Variants in COMMD1 observed in about 807,000 individuals in gnomAD.
The protein encoded by COMMD1 is copper metabolism domain containing 1, also known as COMM domain-containing protein 1.
COMMD1 carries 10 observed loss-of-function variants against 17.2 expected under a neutral mutation model. That is an observed-to-expected ratio of 0.58 (90% confidence interval 0.36 to 0.99). COMMD1 has a LOEUF of 0.99. Among genes scored for constraint, COMMD1 ranks in the 50% least tolerant of loss-of-function variants. The pLI, the probability that COMMD1 is intolerant of heterozygous loss-of-function variation, is 0.01. For synonymous variants in COMMD1, 97 were observed against 91.6 expected (o/e 1.06, Z -0.34); for missense variants, 270 against 231.8 (o/e 1.17, Z -1.07).
At chr2:61,896,521 G>A (rs1465196055) in intron 1 of COMMD1, among the ~76,000 whole-genome samples, 2 of 152,126 alleles carry the variant, frequency 1.3e-5, no homozygotes, top group African/African-American at 4.8e-5. Flanking sequence ...GTTCGAGGTT[G>A]CAGTGAGATA....
intron 2 of COMMD1, among the ~76,000 whole-genome samples, chr2:62,119,186 G>A (rs974616162): frequency 4.6e-5 from 7 of 152,158 alleles, no homozygotes; most frequent in African/African-American, 1.7e-4. Context: ...AGAAAAGGCC[G>A]TGAGAGAAGA....
chr2:61,958,991 A>C (rs140519028), intron 1 of COMMD1, among the ~76,000 whole-genome samples: 8 of 152,210 alleles, frequency 5.3e-5, no homozygotes, highest in African/African-American at 1.7e-4. Flanking sequence ...TTATTTTGTC[A>C]TGTTGCTTTC....
intron 2 of COMMD1, among the ~76,000 whole-genome samples, chr2:62,016,128 C>T (rs1043429228): frequency 1.3e-5 from 2 of 151,914 alleles, no homozygotes; most frequent in East Asian, 1.9e-4. Context: ...CCACGATGCC[C>T]GGCCAGGTTT....
chr2:61,948,732 G>C (rs539861944), intron 1 of COMMD1, among the ~76,000 whole-genome samples: 1 of 152,196 alleles, frequency 6.6e-6, no homozygotes, highest in Non-Finnish European at 1.5e-5. Context: ...TTGCAGAGGA[G>C]ACTTTTAAGA....
intron 2 of COMMD1, among the ~76,000 whole-genome samples, chr2:62,097,850 C>T (rs557811994): frequency 6.6e-6 from 1 of 152,178 alleles, no homozygotes; most frequent in Non-Finnish European, 1.5e-5. Context: ...GCTATTTCTA[C>T]TTCTCCTAAA....
intron 2 of COMMD1, among the ~76,000 whole-genome samples, chr2:62,022,448 CTTTTTTTT>C (rs747830662): frequency 3.5e-5 from 3 of 84,950 alleles, no homozygotes; most frequent in Non-Finnish European, 7.5e-5. Context: ...ACCGGCGCTT[CTTTTTTTT>C]TTTTTTTTTT....
intron 2 of COMMD1, among the ~76,000 whole-genome samples, chr2:62,095,676 T>C (rs1671979862): frequency 6.6e-6 from 1 of 151,356 alleles, no homozygotes; most frequent in Non-Finnish European, 1.5e-5. Flanking sequence ...AATCCCTTGC[T>C]ACTGTTAGTG....
At chr2:61,939,297 C>CA (rs1194444288) in intron 1 of COMMD1, among the ~76,000 whole-genome samples, 2,778 of 65,248 alleles carry the variant, frequency 0.043, 40 homozygotes, top group Middle Eastern at 0.067. Flanking sequence ...ACTAAAAATA[C>CA]AAAAAAAAAA....
chr2:62,076,538 G>A (rs1024988592), intron 2 of COMMD1, among the ~76,000 whole-genome samples: 1 of 152,132 alleles, frequency 6.6e-6, no homozygotes, highest in Non-Finnish European at 1.5e-5. Flanking sequence ...CTTGAGCCCT[G>A]GAGTTCGAGA....
At chr2:62,120,906 T>C (rs1672724144) in intron 2 of COMMD1, among the ~76,000 whole-genome samples, 1 of 152,062 alleles carries the variant, frequency 6.6e-6, no homozygotes, top group Admixed American at 6.6e-5. Flanking sequence ...TTTTTGTTTT[T>C]GTTTTTCTTT....
At chr2:62,031,975 C>G (rs1401794235) in intron 2 of COMMD1, among the ~76,000 whole-genome samples, 1 of 152,178 alleles carries the variant, frequency 6.6e-6, no homozygotes, top group Non-Finnish European at 1.5e-5. Context: ...TTTTCTGCTA[C>G]ATTGGTCTAC....
intron 2 of COMMD1, among the ~76,000 whole-genome samples, chr2:62,111,999 T>G (rs1191934273): frequency 6.6e-6 from 1 of 152,210 alleles, no homozygotes; most frequent in African/African-American, 2.4e-5. Context: ...CGTGGTAAGT[T>G]CTTTGGTAAT....
At chr2:61,950,615 T>A (rs1324168483) in intron 1 of COMMD1, among the ~76,000 whole-genome samples, 2 of 152,244 alleles carry the variant, frequency 1.3e-5, no homozygotes, top group South Asian at 4.1e-4. Context: ...ATGGCTTCTC[T>A]TTGGCATATC....
intron 2 of COMMD1, among the ~76,000 whole-genome samples, chr2:62,062,316 T>G (rs950641988): frequency 6.6e-6 from 1 of 151,822 alleles, no homozygotes; most frequent in Admixed American, 6.6e-5. Flanking sequence ...AACCTGCCAC[T>G]CCCAGGTTCA....
intron 2 of COMMD1, among the ~76,000 whole-genome samples, chr2:62,116,144 G>A (rs1672597133): frequency 6.6e-6 from 1 of 152,050 alleles, no homozygotes; most frequent in African/African-American, 2.4e-5. Context: ...ACTGCACCCG[G>A]CCCTGTTGTA....
upstream of COMMD1, among the ~76,000 whole-genome samples, chr2:61,902,874 T>TA (rs1306319694): frequency 6.6e-6 from 1 of 152,026 alleles, no homozygotes; most frequent in African/African-American, 2.4e-5. Flanking sequence ...ATTAAAAGAA[T>TA]AATATCAGTC....
intron 1 of COMMD1, among the ~76,000 whole-genome samples, chr2:61,956,373 G>A (rs1671198785): frequency 6.6e-6 from 1 of 151,970 alleles, no homozygotes; most frequent in Admixed American, 6.5e-5. Flanking sequence ...TTGTTCAGAT[G>A]CATTAAATGT....
intron 2 of COMMD1, among the ~76,000 whole-genome samples, chr2:62,132,145 C>T (rs1341267205): frequency 6.6e-6 from 1 of 152,134 alleles, no homozygotes; most frequent in Non-Finnish European, 1.5e-5. Context: ...CCTTGGCTTC[C>T]CAAAGTGCTG....
At chr2:62,102,880 G>C (rs888828809) in intron 2 of COMMD1, among the ~76,000 whole-genome samples, 6 of 152,098 alleles carry the variant, frequency 3.9e-5, no homozygotes, top group African/African-American at 1.4e-4. Flanking sequence ...GCCAAGAAGA[G>C]TTTAGACAGA....
Sources: allele counts gnomAD v4.1 joint callset (sites outside exome capture counted in the v4.1 genomes callset), GRCh38; gene constraint gnomAD v4.1.1; transcripts MANE v1.5; gene names NCBI Gene and HGNC (gene_info 2026-07-23, HGNC 2026-07-21).